HMGN5: variants seen among roughly 807,000 people sequenced by gnomAD.
HMGN5 encodes high mobility group nucleosome-binding domain-containing protein 5.
A neutral mutation model predicts 9.5 loss-of-function variants in HMGN5; 4 were observed. The observed-to-expected ratio is 0.42, with a 90% CI of 0.21 to 0.96. HMGN5 has a LOEUF of 0.96. Ranked by LOEUF, HMGN5 falls within the 40% of genes least tolerant of loss-of-function variation. HMGN5 has a pLI of 0.30. For missense variants in HMGN5, 192 were observed against 187.5 expected (o/e 1.02, Z -0.14); for synonymous variants, 55 against 57.1 (o/e 0.96, Z 0.16).
intron 1 of HMGN5, among the ~76,000 whole-genome samples, chrX:81,145,513 G>A (rs2075341134): frequency 8.9e-6 from 1 of 111,948 alleles, no homozygotes; most frequent in Non-Finnish European, 1.9e-5. Context: ...ACTAAACATG[G>A]AAAGGAACAA....
chrX:81,116,186 G>A lies in HMGN5; in HGVS notation c.267+18C>T. The A allele has an allele frequency of 8.8e-7, 1 of 1,140,780 alleles. No homozygotes were observed. Among genetic ancestry groups the A allele is most frequent in the Non-Finnish European group, 1.2e-6 (1 of 836,105 alleles). The allele number at this position is 1,140,780 out of a possible 1,213,427, so 94.0% of individuals were successfully genotyped here. ...GTTAAACTTTCAAATAGATAAAACT[G>A]TTAACATTAGAAAATACCTCTGTAA... On this transcript the variant is annotated intron_variant, in intron 6 of 6. Transcript: ENST00000358130.
At position 81,121,584 on chromosome X, in the gene HMGN5, G is replaced by GA; in HGVS notation, c.-36dup. 2 of 1,136,464 alleles carry GA rather than the reference G, an allele frequency of 1.8e-6. No individual in the cohort carries two copies. Among genetic ancestry groups the GA allele is most frequent in the Non-Finnish European group, 2.3e-6 (2 of 853,422 alleles). 93.7% of individuals were successfully genotyped at this position (1,136,464 alleles called of 1,213,427 possible). A position where few individuals can be genotyped will look rare whatever the true frequency, so the allele number is the denominator to read the frequency against. ...TCTCTATAGGAGATCTTAGTCAGCA[G>GA]AAAAAAAGCCGAAGGCAGTCACTGC... On this transcript the variant is annotated 5_prime_UTR_variant, in exon 2 of 7. Transcript: ENST00000358130.
intron 1 of HMGN5, among the ~76,000 whole-genome samples, chrX:81,164,513 T>A (rs2075405891): frequency 9.0e-6 from 1 of 111,545 alleles, no homozygotes; most frequent in South Asian, 3.7e-4. Context: ...GCCTATAATG[T>A]TATTTATTTT....
At chrX:81,187,589 A>G (rs2075481159) in intron 1 of HMGN5, among the ~76,000 whole-genome samples, 1 of 110,987 alleles carries the variant, frequency 9.0e-6, no homozygotes. Flanking sequence ...ATCCATGTGC[A>G]CCTTTGTAGG....
chrX:81,119,761 A>C (rs752703953), intron 3 of HMGN5, 27 bp downstream of exon 3: 1 of 1,184,999 alleles, frequency 8.4e-7, no homozygotes, highest in South Asian at 1.8e-5. Context: ...GTTTTTCCTA[A>C]TAGATGCTAA....
intron 1 of HMGN5, among the ~76,000 whole-genome samples, chrX:81,180,892 C>T (rs2075460980): frequency 9.0e-6 from 1 of 111,530 alleles, no homozygotes; most frequent in Admixed American, 9.5e-5. Context: ...AGTTCATGTC[C>T]TTTGTAGGGA....
intron 1 of HMGN5, among the ~76,000 whole-genome samples, chrX:81,150,692 G>T (rs1262914673): frequency 8.9e-6 from 1 of 112,112 alleles, no homozygotes; most frequent in East Asian, 2.8e-4. Flanking sequence ...ACAGAAAGTT[G>T]CTTTTTTGAA....
At chrX:81,194,322 T>A (rs1393078799) in intron 1 of HMGN5, among the ~76,000 whole-genome samples, 1 of 110,911 alleles carries the variant, frequency 9.0e-6, no homozygotes, top group Non-Finnish European at 1.9e-5. Flanking sequence ...ATTTTATATA[T>A]GACTAATTAA....
chrX:81,126,530 T>G (rs2075284152), intron 1 of HMGN5, among the ~76,000 whole-genome samples: 1 of 111,894 alleles, frequency 8.9e-6, no homozygotes. Context: ...TTTTTAATCT[T>G]GAACGTCCAA....
At chrX:81,158,669 T>C (rs1010168108) in intron 1 of HMGN5, among the ~76,000 whole-genome samples, 1 of 112,447 alleles carries the variant, frequency 8.9e-6, no homozygotes, top group Non-Finnish European at 1.9e-5. Context: ...TTTAGTTTAA[T>C]TCGATCCCAT....
chrX:81,193,607 A>G (rs999511283), intron 1 of HMGN5, among the ~76,000 whole-genome samples: 1 of 111,951 alleles, frequency 8.9e-6, no homozygotes, highest in East Asian at 2.8e-4. Context: ...AGTGTTCTGG[A>G]GGTGTCAAAG....
intron 1 of HMGN5, among the ~76,000 whole-genome samples, chrX:81,126,336 C>T (rs1346227443): frequency 9.0e-6 from 1 of 110,909 alleles, no homozygotes; most frequent in African/African-American, 3.3e-5. Flanking sequence ...CTCTGGCTGT[C>T]AACCTACTTC....
chrX:81,178,437 C>T (rs962768857), intron 1 of HMGN5, among the ~76,000 whole-genome samples: 12 of 111,743 alleles, frequency 1.1e-4, no homozygotes, highest in African/African-American at 2.3e-4. Flanking sequence ...GACATCTCTA[C>T]GCAAATAAAC....
chrX:81,147,260 A>G (rs1171096746), intron 1 of HMGN5, among the ~76,000 whole-genome samples: 1 of 111,842 alleles, frequency 8.9e-6, no homozygotes, highest in East Asian at 2.8e-4. Flanking sequence ...AAATACTGGC[A>G]AACCAAATCC....
intron 1 of HMGN5, among the ~76,000 whole-genome samples, chrX:81,165,086 T>C (rs2075407480): frequency 9.0e-6 from 1 of 111,475 alleles, no homozygotes; most frequent in Non-Finnish European, 1.9e-5. Context: ...TTTGGAATAA[T>C]CCTTTATCTG....
At chrX:81,137,942 A>G (rs936624226) in intron 1 of HMGN5, among the ~76,000 whole-genome samples, 9 of 111,805 alleles carry the variant, frequency 8.0e-5, no homozygotes, top group Non-Finnish European at 1.7e-4. Flanking sequence ...AAATTTTACC[A>G]GTTATAAGAA....
rs376705166 is a variant in HMGN5 at position 81,139,336 on chromosome X, A to C, written c.-123-17664T>G. The stretch of plus-strand genomic sequence containing the variant: ...TCAATGAAGGGTAGTCTTTTCAATA[A>C]ATGATACTAGAACAACTGGATACCC... On this transcript the variant is annotated intron_variant, in intron 1 of 6. Transcript: ENST00000358130. Among the ~76,000 whole-genome samples the C allele has an allele frequency of 1.2e-4, 13 of 111,781 alleles. No homozygotes were observed. In the East Asian group the frequency reaches 2.3e-3, roughly 20 times the overall value.
At chrX:81,150,594 A>C (rs2075358598) in intron 1 of HMGN5, among the ~76,000 whole-genome samples, 1 of 112,028 alleles carries the variant, frequency 8.9e-6, no homozygotes, top group Admixed American at 9.5e-5. Flanking sequence ...AATAACAAAA[A>C]CAAAAACAAA....
intron 1 of HMGN5, among the ~76,000 whole-genome samples, chrX:81,150,943 GAAC>G (rs1204997688): frequency 2.7e-5 from 3 of 111,734 alleles, no homozygotes; most frequent in Non-Finnish European, 5.6e-5. Context: ...ACCCTGAACA[GAAC>G]AACAAGTAAC....
Sources: gnomAD v4.1 joint callset for allele counts (sites outside exome capture counted in the v4.1 genomes callset) on GRCh38, gnomAD v4.1.1 for gene constraint, MANE v1.5 for transcripts, NCBI Gene and HGNC (gene_info 2026-07-23, HGNC 2026-07-21) for gene names.